The following GTF2A1 variants were observed in gnomAD, a reference collection of about 807,000 sequenced individuals.
The protein encoded by GTF2A1 is transcription initiation factor IIA subunit 1.
In GTF2A1, 12 loss-of-function variants were observed where a neutral mutation model predicts 54.1. The observed-to-expected ratio is 0.22, with a 90% CI of 0.14 to 0.36. The LOEUF is 0.36. GTF2A1 is among the 10% of genes least tolerant of loss of function. The pLI is 1.00. For synonymous variants in GTF2A1, 145 were observed against 152.0 expected (o/e 0.95, Z 0.34); for missense variants, 335 against 442.2 (o/e 0.76, Z 2.17).
chr14:81,181,710 A>AATTTTTGT (rs1289786853), intron 8 of GTF2A1, among the ~76,000 whole-genome samples: 1 of 151,968 alleles, frequency 6.6e-6, no homozygotes, highest in Non-Finnish European at 1.5e-5. Flanking sequence ...ACGCCCAGCT[A>AATTTTTGT]ATTTTTGTAT....
rs1566848778 is a variant in GTF2A1 at position 81,179,153 on chromosome 14, CTTG to C, written c.*1067_*1069del. On this transcript the variant is annotated 3_prime_UTR_variant, in exon 9 of 9. Transcript: ENST00000553612. ...CAAATTACAAAGTTGATTTTAAAAA[CTTG>C]TTGAATTAGAATAGATTTTTAAAAT... 1 of 152,114 alleles carries C rather than the reference CTTG, an allele frequency of 6.6e-6. No individual in the cohort carries two copies. The highest frequency in any genetic ancestry group is 1.5e-5 in the Non-Finnish European group (1 of 68,028). 9.4% of individuals were successfully genotyped at this position (152,114 alleles called of 1,614,324 possible).
intron 8 of GTF2A1, among the ~76,000 whole-genome samples, chr14:81,181,371 GC>G (rs1313552104): frequency 1.3e-5 from 2 of 151,786 alleles, no homozygotes; most frequent in African/African-American, 4.8e-5. Flanking sequence ...ACTAGTTCAG[GC>G]TTTCATTTTC....
chr14:81,198,993 T>G (rs1438582706), intron 4 of GTF2A1, among the ~76,000 whole-genome samples: 2 of 152,156 alleles, frequency 1.3e-5, no homozygotes, highest in East Asian at 3.8e-4. Flanking sequence ...ACCCGGGTGA[T>G]TCGTATTTAA....
intron 8 of GTF2A1, 113 bp downstream of exon 8, chr14:81,185,418 G>C: frequency 1.7e-6 from 1 of 600,974 alleles, no homozygotes; most frequent in Non-Finnish European, 3.0e-6. Context: ...TATTCATAAT[G>C]AATTTAAGAG....
chr14:81,180,671 C>T (rs146811989), intron 8 of GTF2A1, among the ~76,000 whole-genome samples: 1 of 152,262 alleles, frequency 6.6e-6, no homozygotes, highest in East Asian at 1.9e-4. Context: ...ACACACAAAA[C>T]TCACTAGGTG....
At chr14:81,196,056 C>T in intron 6 of GTF2A1, 52 bp downstream of exon 6, 1 of 1,528,034 alleles carries the variant, frequency 6.5e-7, no homozygotes, top group South Asian at 1.1e-5. Flanking sequence ...CCAGGGAATA[C>T]ATACAGAATA....
chr14:81,202,449 C>T (rs1007270091), intron 3 of GTF2A1, among the ~76,000 whole-genome samples: 1 of 152,058 alleles, frequency 6.6e-6, no homozygotes, highest in Non-Finnish European at 1.5e-5. Context: ...ACAAATCAGC[C>T]GGGTGCAGGG....
At position 81,190,492 on chromosome 14, in the gene GTF2A1, G is replaced by A. The variant is rs531442213; in HGVS notation, c.933+2027C>T. 1.7e-4 allele frequency among the ~76,000 whole-genome samples: 26 copies of A among 152,098 alleles called. No individual in the cohort carries two copies. In the South Asian group the frequency reaches 5.4e-3, roughly 32 times the overall value. On this transcript the variant is annotated intron_variant, in intron 7 of 8. Coordinates refer to ENST00000553612, the MANE Select transcript of GTF2A1 (RefSeq NM_015859.4). ...GTGCTATCCCAGGAGTACAAGATTG[G>A]TTTACAAATAGAAAATCAATTAATG... is the stretch of plus-strand genomic sequence containing the variant.
chr14:81,197,572 T>G (rs1235527883), intron 4 of GTF2A1, 88 bp from the exon 5 acceptor site: 4 of 725,702 alleles, frequency 5.5e-6, no homozygotes, highest in South Asian at 3.9e-5. Flanking sequence ...ATGAAACTTT[T>G]TGTTTAGAAT....
chr14:81,214,428 A>G (rs1378040766), intron 2 of GTF2A1, among the ~76,000 whole-genome samples: 2 of 151,950 alleles, frequency 1.3e-5, no homozygotes, highest in Admixed American at 6.6e-5. Flanking sequence ...GGGGGATCAC[A>G]AGGTCAGGAG....
chr14:81,197,178 A>G, intron 5 of GTF2A1: 1 of 412,334 alleles, frequency 2.4e-6, no homozygotes, highest in East Asian at 4.1e-5. Flanking sequence ...TAATAGGGTT[A>G]TCATGCACAG....
intron 2 of GTF2A1, among the ~76,000 whole-genome samples, chr14:81,213,846 G>GC (rs1555390680): frequency 7.3e-6 from 1 of 136,436 alleles, no homozygotes; most frequent in Non-Finnish European, 1.6e-5. Context: ...GGGTTTTTCT[G>GC]TTTTTTTTTT....
rs555539852 is a variant in GTF2A1, at chr14:81,185,982, A to G, written c.934-362T>C. 2.0e-5 allele frequency among the ~76,000 whole-genome samples: 3 copies of G among 152,244 alleles called. No individual in the cohort carries two copies. In the East Asian group the frequency reaches 5.8e-4, roughly 29 times the overall value. On this transcript the variant is annotated intron_variant, in intron 7 of 8. Coordinates refer to ENST00000553612, the MANE Select transcript of GTF2A1 (RefSeq NM_015859.4). ...ATTCTCCTGCCTCAGCCTCCCCAGT[A>G]GCTGGCACTACTGGCACGCGCCACC... is the stretch of plus-strand genomic sequence containing the variant.
chr14:81,176,727 A>G lies in GTF2A1; in HGVS notation c.*3496T>C, dbSNP rs1892536808. The G allele has an allele frequency of 6.6e-6, 1 of 152,140 alleles. No individual in the cohort carries two copies. The highest frequency in any genetic ancestry group is 2.1e-4 in the South Asian group (1 of 4,828). The allele number at this position is 152,140 out of a possible 1,614,324, so 9.4% of individuals were successfully genotyped here. ...AACTATTTTTTAACTAAAGAATTCA[A>G]AATCTGCTATAGCTGATTCTGACAG... On this transcript the variant is annotated 3_prime_UTR_variant, in exon 9 of 9. Transcript: ENST00000553612.
chr14:81,217,012 T>C (rs1453070902), intron 1 of GTF2A1, among the ~76,000 whole-genome samples: 1 of 152,232 alleles, frequency 6.6e-6, no homozygotes, highest in Non-Finnish European at 1.5e-5. Flanking sequence ...GTCTGTACTT[T>C]CAAGCTGTAC....
chr14:81,203,850 T>C (rs767693261), intron 3 of GTF2A1, 50 bp downstream of exon 3: 1 of 1,447,026 alleles, frequency 6.9e-7, no homozygotes. Context: ...TCTTTCATAA[T>C]GACAAACTTA....
chr14:81,188,957 T>C (rs1269975147), intron 7 of GTF2A1, among the ~76,000 whole-genome samples: 1 of 152,252 alleles, frequency 6.6e-6, no homozygotes, highest in Non-Finnish European at 1.5e-5. Flanking sequence ...TGTCCAAGCA[T>C]AATTTGTTGA....
chr14:81,179,143 A>G lies in GTF2A1; in HGVS notation c.*1080T>C, dbSNP rs533058762. The G allele has an allele frequency of 3.3e-5, 5 of 152,320 alleles. No individual in the cohort carries two copies. Among genetic ancestry groups the G allele is most frequent in the African/African-American group, 1.2e-4 (5 of 41,570 alleles). The allele number at this position is 152,320 out of a possible 1,614,324, so 9.4% of individuals were successfully genotyped here. ...ATTTTCCCCTCAAATTACAAAGTTG[A>G]TTTTAAAAACTTGTTGAATTAGAAT... On this transcript the variant is annotated 3_prime_UTR_variant, in exon 9 of 9. Transcript: ENST00000553612.
At chr14:81,211,607 C>T (rs1393355100) in intron 2 of GTF2A1, among the ~76,000 whole-genome samples, 1 of 152,014 alleles carries the variant, frequency 6.6e-6, no homozygotes, top group Non-Finnish European at 1.5e-5. Context: ...CTCCAGGCCA[C>T]ATCAGAGACC....
Sources: gnomAD v4.1 joint callset for allele counts (sites outside exome capture counted in the v4.1 genomes callset) on GRCh38, gnomAD v4.1.1 for gene constraint, MANE v1.5 for transcripts, NCBI Gene and HGNC (gene_info 2026-07-23, HGNC 2026-07-21) for gene names.